Variants in SUGCT observed in about 807,000 individuals in gnomAD.
SUGCT encodes the protein succinyl-CoA:glutarate CoA-transferase.
In SUGCT, 41 loss-of-function variants were observed where a neutral mutation model predicts 55.0. The ratio of observed to expected loss-of-function variants is 0.74; its 90% confidence interval spans 0.58 to 0.97. The LOEUF is 0.97. Ranked by LOEUF, SUGCT falls within the 50% of genes least tolerant of loss-of-function variation. The probability of loss-of-function intolerance (pLI) is 0.00; values close to 1 mark genes in which losing one functional copy is unlikely to be tolerated. For missense variants in SUGCT, 568 were observed against 547.8 expected (o/e 1.04, Z -0.37); for synonymous variants, 187 against 200.4 (o/e 0.93, Z 0.56).
intron 1 of SUGCT, among the ~76,000 whole-genome samples, chr7:40,161,028 A>G (rs1784119430): frequency 6.6e-6 from 1 of 152,172 alleles, no homozygotes; most frequent in African/African-American, 2.4e-5. Flanking sequence ...TGGCTAGGCC[A>G]CTTTAAAGCC....
the SUGCT span, among the ~76,000 whole-genome samples, chr7:40,940,924 G>A: frequency 2.2e-4 from 33 of 152,210 alleles, no homozygotes; most frequent in African/African-American, 7.5e-4. Context: ...TAGAAATGGT[G>A]AAAGTGGGTA....
At chr7:40,311,011 AT>A (rs1467895081) in intron 8 of SUGCT, among the ~76,000 whole-genome samples, 3 of 152,200 alleles carry the variant, frequency 2.0e-5, no homozygotes, top group African/African-American at 7.2e-5. Flanking sequence ...GGCATCTCAA[AT>A]TCAACACATT....
At chr7:40,707,851 TA>T (rs1785502553) in intron 12 of SUGCT, among the ~76,000 whole-genome samples, 2 of 152,360 alleles carry the variant, frequency 1.3e-5, no homozygotes, top group East Asian at 3.9e-4. Flanking sequence ...CTTCTTTTGT[TA>T]AAACTTGGTT....
At chr7:40,779,090 GT>G (rs1037387415) in intron 13 of SUGCT, among the ~76,000 whole-genome samples, 2 of 151,264 alleles carry the variant, frequency 1.3e-5, no homozygotes, top group African/African-American at 4.8e-5. Flanking sequence ...GGTGGTGCTG[GT>G]TCTGTCTCCG....
In SUGCT at chr7:40,455,172, A is replaced by G. The variant is rs1464067647; in HGVS notation, c.889-3929A>G. On this transcript the variant is annotated intron_variant, in intron 10 of 13. Transcript: ENST00000335693. ...TTTTGATTCTAACTACAATGCGAAA[A>G]GTATATGCATTATGATTCCCTAAGC... Among the ~76,000 whole-genome samples, 7 of 152,252 alleles carry G rather than the reference A, an allele frequency of 4.6e-5. No individual in the cohort carries two copies. The East Asian group carries it at 1.2e-3, about 25-fold the overall frequency.
chr7:40,308,785 G>A (rs537231834), intron 8 of SUGCT, among the ~76,000 whole-genome samples: 10 of 152,316 alleles, frequency 6.6e-5, no homozygotes, highest in Admixed American at 3.3e-4. Flanking sequence ...CCAGGCAGGT[G>A]GATCACTTGA....
intron 13 of SUGCT, among the ~76,000 whole-genome samples, chr7:40,857,047 C>T (rs1193963220): frequency 6.6e-6 from 1 of 152,046 alleles, no homozygotes; most frequent in Non-Finnish European, 1.5e-5. Context: ...TAGACTGAGG[C>T]TCTGAGACCT....
chr7:40,860,722 G>T lies in SUGCT; in HGVS notation c.*243G>T. On this transcript the variant is annotated 3_prime_UTR_variant, in exon 14 of 14. Transcript: ENST00000335693. ...GATGATGATTTCATTATGGATTTGT[G>T]GGATTTTTAAAAATAAAGTTTTAAT... 1 of 360,424 alleles carries T rather than the reference G, an allele frequency of 2.8e-6. No individual in the cohort carries two copies. The highest frequency in any genetic ancestry group is 4.4e-5 in the Admixed American group (1 of 22,610). 22.3% of individuals were successfully genotyped at this position (360,424 alleles called of 1,614,324 possible).
chr7:40,994,200 A>G, the SUGCT span, among the ~76,000 whole-genome samples: 1 of 152,180 alleles, frequency 6.6e-6, no homozygotes, highest in East Asian at 1.9e-4. Context: ...GCATGACCCC[A>G]TGGCCCCTTG....
At chr7:40,379,548 A>G (rs1268347962) in intron 9 of SUGCT, among the ~76,000 whole-genome samples, 1 of 152,132 alleles carries the variant, frequency 6.6e-6, no homozygotes, top group African/African-American at 2.4e-5. Flanking sequence ...TTTCCTGGTC[A>G]GTTTTCTGAA....
intron 11 of SUGCT, among the ~76,000 whole-genome samples, chr7:40,492,906 A>G (rs1442001841): frequency 1.3e-5 from 2 of 152,122 alleles, no homozygotes; most frequent in African/African-American, 2.4e-5. Flanking sequence ...GGTCTTTTTT[A>G]TTGCAATCTC....
intron 6 of SUGCT, among the ~76,000 whole-genome samples, chr7:40,215,299 T>C (rs1034680307): frequency 1.3e-5 from 2 of 152,106 alleles, no homozygotes; most frequent in Admixed American, 6.5e-5. Flanking sequence ...CGTGCCACCA[T>C]GCTCAGATAA....
At chr7:41,033,608 A>T in the SUGCT span, among the ~76,000 whole-genome samples, 1 of 152,026 alleles carries the variant, frequency 6.6e-6, no homozygotes, top group Non-Finnish European at 1.5e-5. Flanking sequence ...GAGGGAGGGG[A>T]TGGGAGGTAT....
At chr7:40,967,486 C>T in the SUGCT span, among the ~76,000 whole-genome samples, 1 of 152,192 alleles carries the variant, frequency 6.6e-6, no homozygotes, top group Admixed American at 6.5e-5. Context: ...ACAATAACCT[C>T]CTTCCTGCTT....
intron 9 of SUGCT, among the ~76,000 whole-genome samples, chr7:40,405,429 C>T (rs1786306063): frequency 6.6e-6 from 1 of 152,030 alleles, no homozygotes; most frequent in African/African-American, 2.4e-5. Context: ...AGCATTTGAA[C>T]ATGTTTTAAT....
chr7:41,032,787 C>T, the SUGCT span, among the ~76,000 whole-genome samples: 26 of 152,288 alleles, frequency 1.7e-4, no homozygotes, highest in East Asian at 3.7e-3. Flanking sequence ...TGTTTTGAGA[C>T]GGAGTCTCAC....
intron 9 of SUGCT, among the ~76,000 whole-genome samples, chr7:40,423,788 G>A (rs1412378467): frequency 6.6e-6 from 1 of 152,084 alleles, no homozygotes; most frequent in Non-Finnish European, 1.5e-5. Context: ...TTGATTCTGT[G>A]TATAAATTTT....
chr7:40,530,435 T>C (rs1794023249), intron 12 of SUGCT, among the ~76,000 whole-genome samples: 2 of 152,178 alleles, frequency 1.3e-5, no homozygotes, highest in African/African-American at 2.4e-5. Context: ...TGCTAACCAA[T>C]TGAGTTCAGT....
At chr7:40,187,822 A>G (rs1162442327) in intron 3 of SUGCT, among the ~76,000 whole-genome samples, 1 of 152,046 alleles carries the variant, frequency 6.6e-6, no homozygotes, top group Non-Finnish European at 1.5e-5. Flanking sequence ...AATCTCAGTT[A>G]CTATGGAGGC....
Sources: allele counts gnomAD v4.1 joint callset (sites outside exome capture counted in the v4.1 genomes callset), GRCh38; gene constraint gnomAD v4.1.1; transcripts MANE v1.5; gene names NCBI Gene and HGNC (gene_info 2026-07-23, HGNC 2026-07-21).